Variants in AMMECR1 observed in about 807,000 individuals in gnomAD.
AMMECR1 encodes nuclear protein AMMECR1.
In AMMECR1, 3 loss-of-function variants were observed where a neutral mutation model predicts 22.5. The ratio of observed to expected loss-of-function variants is 0.13; its 90% CI spans 0.06 to 0.35. The LOEUF is 0.35. Ranked by LOEUF, AMMECR1 falls within the 10% of genes least tolerant of loss-of-function variation. The pLI is 1.00. For synonymous variants in AMMECR1, 130 were observed against 116.7 expected (o/e 1.11, Z -0.74); for missense variants, 235 against 278.7 (o/e 0.84, Z 1.12).
chrX:110,268,946 A>G (rs1244626810), intron 1 of AMMECR1, among the ~76,000 whole-genome samples: 1 of 112,268 alleles, frequency 8.9e-6, no homozygotes. Flanking sequence ...TCAAAATGAG[A>G]TGAAATATTA....
At chrX:110,428,171 G>A (rs1459203407) in intron 1 of AMMECR1, among the ~76,000 whole-genome samples, 1 of 112,060 alleles carries the variant, frequency 8.9e-6, no homozygotes, top group African/African-American at 3.3e-5. Flanking sequence ...GTGACTTTCT[G>A]TGCCTTGTCT....
chrX:110,403,463 C>T (rs1460913433), intron 2 of AMMECR1, among the ~76,000 whole-genome samples: 2 of 111,750 alleles, frequency 1.8e-5, no homozygotes, highest in Non-Finnish European at 3.8e-5. Context: ...CAGACACACA[C>T]ACACGCATGC....
intron 1 of AMMECR1, among the ~76,000 whole-genome samples, chrX:110,301,635 A>AG (rs1205900059): frequency 9.0e-6 from 1 of 111,728 alleles, no homozygotes; most frequent in Non-Finnish European, 1.9e-5. Context: ...GATAGATTTC[A>AG]GGGGTGTTGT....
At chrX:110,351,761 A>G (rs2068212136) in intron 2 of AMMECR1, among the ~76,000 whole-genome samples, 1 of 112,415 alleles carries the variant, frequency 8.9e-6, no homozygotes. Flanking sequence ...CTTAATTAAA[A>G]ACTTTAATGA....
At chrX:110,296,770 C>T (rs1433705385) in intron 1 of AMMECR1, among the ~76,000 whole-genome samples, 1 of 110,863 alleles carries the variant, frequency 9.0e-6, no homozygotes, top group Non-Finnish European at 1.9e-5. Flanking sequence ...CATTCTCTTA[C>T]TTTCCTTTAA....
chrX:110,222,723 A>G (rs1380760490), intron 2 of AMMECR1, among the ~76,000 whole-genome samples: 1 of 110,907 alleles, frequency 9.0e-6, no homozygotes, highest in Non-Finnish European at 1.9e-5. Flanking sequence ...AGAAAGTACA[A>G]AAAAGGGGGA....
chrX:110,405,099 C>T (rs776491130), intron 2 of AMMECR1, among the ~76,000 whole-genome samples: 4,595 of 101,281 alleles, frequency 0.045, 168 homozygotes, highest in African/African-American at 0.11. Context: ...CCCCCCCCCC[C>T]CCAAGCATGA....
At chrX:110,332,450 G>T (rs1446130763) in intron 2 of AMMECR1, among the ~76,000 whole-genome samples, 1 of 111,961 alleles carries the variant, frequency 8.9e-6, no homozygotes, top group Non-Finnish European at 1.9e-5. Flanking sequence ...GAAATTAACT[G>T]CAAAAATGTA....
chrX:110,434,128 C>T (rs2068818822), intron 1 of AMMECR1, among the ~76,000 whole-genome samples: 1 of 111,511 alleles, frequency 9.0e-6, no homozygotes. Context: ...ACATTCCAGG[C>T]AAAGTGAGCA....
intron 2 of AMMECR1, among the ~76,000 whole-genome samples, chrX:110,413,240 G>A (rs1162085618): frequency 1.8e-5 from 2 of 111,223 alleles, no homozygotes; most frequent in East Asian, 5.6e-4. Flanking sequence ...AAATTTTACA[G>A]AGCACTATTG....
chrX:110,226,692 C>CTT (rs771963585), intron 2 of AMMECR1, among the ~76,000 whole-genome samples: 1 of 111,994 alleles, frequency 8.9e-6, no homozygotes, highest in South Asian at 3.7e-4. Flanking sequence ...ATCCCATTCT[C>CTT]TTTTCATAGT....
At chrX:110,250,715 C>T (rs992848801) in intron 2 of AMMECR1, among the ~76,000 whole-genome samples, 1 of 111,960 alleles carries the variant, frequency 8.9e-6, no homozygotes, top group East Asian at 2.8e-4. Context: ...GGCTACTTAA[C>T]TGGAAGTGAC....
chrX:110,324,458 G>A (rs778139926), intron 2 of AMMECR1, among the ~76,000 whole-genome samples: 2 of 108,647 alleles, frequency 1.8e-5, no homozygotes, highest in Non-Finnish European at 3.8e-5. Context: ...TTTTTCTCTT[G>A]TCTAATTGCT....
At chrX:110,266,696 TTTTA>T (rs1397430512) in intron 1 of AMMECR1, among the ~76,000 whole-genome samples, 4 of 109,905 alleles carry the variant, frequency 3.6e-5, no homozygotes, top group Non-Finnish European at 7.6e-5. Context: ...CTTTTTTTTT[TTTTA>T]AATTATACTT....
At chrX:110,399,254 G>C (rs181446451) in intron 2 of AMMECR1, among the ~76,000 whole-genome samples, 43 of 112,469 alleles carry the variant, frequency 3.8e-4, no homozygotes, top group African/African-American at 1.3e-3. Context: ...TTCAAGGTAG[G>C]CACATTCAAC....
At chrX:110,267,902 A>G (rs997170920) in intron 1 of AMMECR1, among the ~76,000 whole-genome samples, 1 of 112,152 alleles carries the variant, frequency 8.9e-6, no homozygotes, top group Non-Finnish European at 1.9e-5. Context: ...GAGAAATTAT[A>G]TATTAATAGT....
At chrX:110,321,372 C>T, upstream of AMMECR1, among the ~76,000 whole-genome samples, 1 of 109,926 alleles carries the variant, frequency 9.1e-6, no homozygotes, top group Non-Finnish European at 1.9e-5. Flanking sequence ...AAAAATAGGC[C>T]ATAGTCTCTT....
chrX:110,344,231 C>T (rs2068178047), intron 2 of AMMECR1, among the ~76,000 whole-genome samples: 1 of 111,965 alleles, frequency 8.9e-6, no homozygotes, highest in Admixed American at 9.5e-5. Context: ...CTGACAAAAA[C>T]AAGAAATGGG....
At chrX:110,420,692 C>T (rs1232663350) in intron 2 of AMMECR1, among the ~76,000 whole-genome samples, 3 of 112,106 alleles carry the variant, frequency 2.7e-5, no homozygotes, top group Admixed American at 9.4e-5. Context: ...TAAACAAATA[C>T]CCACAAACCG....
Sources: gnomAD v4.1 joint callset for allele counts (sites outside exome capture counted in the v4.1 genomes callset) on GRCh38, gnomAD v4.1.1 for gene constraint, MANE v1.5 for transcripts, NCBI Gene and HGNC (gene_info 2026-07-23, HGNC 2026-07-21) for gene names.